ADGRL3: variants seen among roughly 807,000 people sequenced by gnomAD.
ADGRL3 encodes calcium-independent alpha-latrotoxin receptor 3.
A neutral mutation model predicts 153.5 loss-of-function variants in ADGRL3; 62 were observed. The observed-to-expected ratio is 0.40, with a 90% CI of 0.33 to 0.50. ADGRL3 has a LOEUF of 0.50. Among genes scored for constraint, ADGRL3 ranks in the 20% least tolerant of loss-of-function variants. The probability of loss-of-function intolerance (pLI) is 0.47; values close to 1 mark genes in which losing one functional copy is unlikely to be tolerated. For missense variants in ADGRL3, 1,641 were observed against 1,859.4 expected, an observed-to-expected ratio of 0.88 and a Z score of 2.16; for synonymous variants, 710 against 672.5, an observed-to-expected ratio of 1.06 and a Z score of -0.86.
chr4:61,435,024 A>G (rs1466495046), intron 2 of ADGRL3, among the ~76,000 whole-genome samples: 1 of 152,126 alleles, frequency 6.6e-6, no homozygotes, highest in Non-Finnish European at 1.5e-5. Flanking sequence ...AGAACATAGA[A>G]TTCATAATTC....
chr4:61,990,807 T>C (rs1315887041), intron 19 of ADGRL3, among the ~76,000 whole-genome samples: 2 of 151,968 alleles, frequency 1.3e-5, no homozygotes, highest in East Asian at 1.9e-4. Context: ...CACAGAGAGT[T>C]TGGAGTCAGG....
At chr4:62,044,195 T>C (rs1262054460) in intron 24 of ADGRL3, among the ~76,000 whole-genome samples, 1 of 152,048 alleles carries the variant, frequency 6.6e-6, no homozygotes, top group Admixed American at 6.6e-5. Flanking sequence ...TATAGTACTT[T>C]ACATTTATTT....
At chr4:61,771,088 A>G (rs973627866) in intron 8 of ADGRL3, among the ~76,000 whole-genome samples, 2 of 152,184 alleles carry the variant, frequency 1.3e-5, no homozygotes, top group African/African-American at 4.8e-5. Flanking sequence ...GTTGAATACA[A>G]GGGCTTAAGG....
intron 1 of ADGRL3, among the ~76,000 whole-genome samples, chr4:61,371,160 C>G (rs2096519122): frequency 1.3e-5 from 2 of 150,790 alleles, no homozygotes; most frequent in South Asian, 4.2e-4. Flanking sequence ...ATACAGCACA[C>G]TGATGGGTCT....
intron 17 of ADGRL3, among the ~76,000 whole-genome samples, chr4:61,974,814 A>G (rs550216951): frequency 3.3e-5 from 5 of 152,332 alleles, no homozygotes; most frequent in Admixed American, 3.3e-4. Flanking sequence ...ATCTTAAGGT[A>G]TTATGATGTA....
intron 19 of ADGRL3, among the ~76,000 whole-genome samples, chr4:61,987,721 T>C (rs911507107): frequency 6.6e-6 from 1 of 152,198 alleles, no homozygotes. Context: ...TAAAATTGTA[T>C]GTCTTGGAAA....
At chr4:61,829,120 C>T (rs2097843636) in intron 9 of ADGRL3, among the ~76,000 whole-genome samples, 2 of 152,138 alleles carry the variant, frequency 1.3e-5, no homozygotes, top group African/African-American at 4.8e-5. Flanking sequence ...ATTTGTATAG[C>T]CTATCACTAT....
At chr4:61,654,315 T>C (rs1324500682) in intron 5 of ADGRL3, among the ~76,000 whole-genome samples, 1 of 152,100 alleles carries the variant, frequency 6.6e-6, no homozygotes, top group Non-Finnish European at 1.5e-5. Flanking sequence ...TTAAAAATTT[T>C]ACAAAACTCT....
In ADGRL3 at chr4:61,948,170, G is replaced by T. The variant is rs2098933291; in HGVS notation, c.2699G>T (p.Trp900Leu). The T allele has an allele frequency of 6.2e-7, 1 of 1,613,626 alleles. No homozygotes were observed. Among genetic ancestry groups the T allele is most frequent in the Non-Finnish European group, 8.5e-7 (1 of 1,179,768 alleles). The change falls in exon 17 of 27, where the codon TGG (tryptophan) becomes TTG (leucine). Residue 900 changes from tryptophan (W) to leucine (L), a missense_variant. This residue lies in a region of ADGRL3 where 734 missense variants were observed against 797.0 expected (regional missense o/e 0.92). Coordinates refer to ENST00000683033, the MANE Select transcript of ADGRL3 (RefSeq NM_001387552.1). ...TCCAAGCGTACAATGACAGGTTATT[G>T]GTCAACACAAGGCTGTCGGCTCCTG... ...SYSKRTMTGY[W>L]STQGCRLLTT...
At chr4:61,505,834 A>C (rs1390538049) in intron 3 of ADGRL3, among the ~76,000 whole-genome samples, 2 of 148,830 alleles carry the variant, frequency 1.3e-5, no homozygotes, top group Non-Finnish European at 3.0e-5. Flanking sequence ...TAAAAAAAAA[A>C]CAAACAAAAA....
intron 4 of ADGRL3, among the ~76,000 whole-genome samples, chr4:61,520,682 G>GTGTGTGTC (rs763505931): frequency 4.9e-4 from 61 of 123,564 alleles, no homozygotes; most frequent in South Asian, 3.7e-3. Context: ...GTGTGTGTGT[G>GTGTGTGTC]TGTCTGTCTG....
rs1746338975 is a variant in ADGRL3 at position 62,073,709 on chromosome 4, C to A, written c.*2801C>A. On this transcript the variant is annotated 3_prime_UTR_variant, in exon 27 of 27. Transcript: ENST00000683033. The stretch of plus-strand genomic sequence containing the variant: ...GGTAGCTTCTCAAGCTCTACATAGA[C>A]CAAACTGAAGAAAGATCACTTGAAT... The A allele has an allele frequency of 2.0e-5, 3 of 152,116 alleles. No homozygotes were observed. The highest frequency in any genetic ancestry group is 6.6e-5 in the Admixed American group (1 of 15,262). The allele number at this position is 152,116 out of a possible 1,614,324, so 9.4% of individuals were successfully genotyped here.
intron 5 of ADGRL3, among the ~76,000 whole-genome samples, chr4:61,590,942 TA>T (rs2098966553): frequency 6.6e-6 from 1 of 152,196 alleles, no homozygotes; most frequent in Admixed American, 6.5e-5. Context: ...GTGGACGTTT[TA>T]TTGATGTATA....
intron 1 of ADGRL3, among the ~76,000 whole-genome samples, chr4:61,305,082 G>A (rs561182804): frequency 5.3e-5 from 8 of 152,002 alleles, no homozygotes; most frequent in Non-Finnish European, 1.2e-4. Flanking sequence ...CTCATGTTTT[G>A]TTATTAATCA....
intron 4 of ADGRL3, among the ~76,000 whole-genome samples, chr4:61,566,768 C>T (rs1055415362): frequency 6.6e-6 from 1 of 151,980 alleles, no homozygotes; most frequent in Non-Finnish European, 1.5e-5. Context: ...AAAATTTGTA[C>T]ACATTTACTA....
chr4:61,332,905 G>T (rs1373606885), intron 1 of ADGRL3, among the ~76,000 whole-genome samples: 1 of 152,094 alleles, frequency 6.6e-6, no homozygotes, highest in Non-Finnish European at 1.5e-5. Context: ...CATGGTGAAG[G>T]CATGGTGAAA....
intron 9 of ADGRL3, among the ~76,000 whole-genome samples, chr4:61,842,129 A>G (rs895420698): frequency 1.4e-4 from 22 of 152,238 alleles, no homozygotes; most frequent in African/African-American, 5.3e-4. Context: ...AATAAATTCT[A>G]TACAGTTAAA....
intron 9 of ADGRL3, among the ~76,000 whole-genome samples, chr4:61,849,395 C>T (rs993336878): frequency 6.6e-6 from 1 of 152,166 alleles, no homozygotes; most frequent in Non-Finnish European, 1.5e-5. Context: ...CCTTACTACA[C>T]AGCCTCACTT....
rs183307022 is a variant in ADGRL3 at position 62,060,910 on chromosome 4, A to G, written c.3815-7256A>G. Among the ~76,000 whole-genome samples, 160 of 152,066 alleles carry G rather than the reference A, an allele frequency of 1.1e-3. 4 individuals carry two copies. The East Asian group carries it at 0.028, about 27-fold the overall frequency. ...TATCTTCAGAAAGCAAATATTGAAC[A>G]CTTAGAAAGTGAAAAATTCTGTGAC... On this transcript the variant is annotated intron_variant, in intron 25 of 26. Transcript: ENST00000683033.
Sources: allele counts gnomAD v4.1 joint callset (sites outside exome capture counted in the v4.1 genomes callset), GRCh38; gene constraint gnomAD v4.1.1; regional missense constraint gnomAD v4.1.1; transcripts MANE v1.5; gene names NCBI Gene and HGNC (gene_info 2026-07-23, HGNC 2026-07-21).